The following KCNIP4 variants were observed in gnomAD, a reference collection of about 807,000 sequenced individuals.
The protein encoded by KCNIP4 is Kv channel-interacting protein 4.
A neutral mutation model predicts 34.0 loss-of-function variants in KCNIP4; 12 were observed. The ratio of observed to expected loss-of-function variants is 0.35; its 90% CI spans 0.23 to 0.57. The LOEUF is 0.57. Ranked by LOEUF, KCNIP4 falls within the 20% of genes least tolerant of loss-of-function variation. The pLI, the probability that KCNIP4 is intolerant of heterozygous loss-of-function variation, is 0.83. For synonymous variants in KCNIP4, 124 were observed against 102.2 expected (o/e 1.21, Z -1.29); for missense variants, 238 against 311.7 (o/e 0.76, Z 1.78).
chr4:21,253,986 C>A (rs1210373548), intron 1 of KCNIP4, among the ~76,000 whole-genome samples: 1 of 152,084 alleles, frequency 6.6e-6, no homozygotes. Flanking sequence ...TATGAAATAT[C>A]CAGAATAGGT....
At position 21,291,863 on chromosome 4, in the gene KCNIP4, AAAAAAAAGAAAGAAAGAAAGAAAGAAAG is replaced by A. The variant is rs1444290162; in HGVS notation, c.62-409182_62-409155del. Among the ~76,000 whole-genome samples the A allele has an allele frequency of 2.8e-4, 20 of 71,592 alleles. 1 individual carries two copies. The highest frequency in any genetic ancestry group is 1.7e-3 in the East Asian group (6 of 3,452). 47.0% of individuals were successfully genotyped at this position (71,592 alleles called of 152,430 possible). ...AGTTAGACTCCGCCTCAAAAAAAAA[AAAAAAAAGAAAGAAAGAAAGAAAGAAAG>A]AAAGAAAGAAAGAAAGAAAGAAAGA... On this transcript the variant is annotated intron_variant, in intron 1 of 8. Coordinates refer to ENST00000382152, the MANE Select transcript of KCNIP4 (RefSeq NM_025221.6).
intron 1 of KCNIP4, among the ~76,000 whole-genome samples, chr4:21,937,953 G>A (rs184262406): frequency 2.0e-5 from 3 of 152,222 alleles, no homozygotes; most frequent in East Asian, 3.9e-4. Flanking sequence ...AAATCTATCA[G>A]TAGTTTTCAT....
chr4:20,733,485 A>G (rs1012528819), intron 6 of KCNIP4, among the ~76,000 whole-genome samples: 1 of 152,212 alleles, frequency 6.6e-6, no homozygotes, highest in African/African-American at 2.4e-5. Context: ...TTAGGTTAAT[A>G]CAGAGCGAAT....
intron 1 of KCNIP4, among the ~76,000 whole-genome samples, chr4:21,353,880 G>A (rs1181342968): frequency 6.6e-6 from 1 of 152,178 alleles, no homozygotes; most frequent in Non-Finnish European, 1.5e-5. Context: ...AGGAAAAAGT[G>A]TTAAGGGCAG....
rs565494811 is a variant in KCNIP4 at position 21,577,368 on chromosome 4, C to T, written c.61+371203G>A. On this transcript the variant is annotated intron_variant, in intron 1 of 8. Coordinates refer to ENST00000382152, the MANE Select transcript of KCNIP4 (RefSeq NM_025221.6). ...ATTCCAGCTGCGCACTGTGGCTCAC[C>T]CCTGTAATCCCAGCACTTTTGGAGG... 4.6e-5 allele frequency among the ~76,000 whole-genome samples: 7 copies of T among 152,160 alleles called. No individual in the cohort carries two copies. The South Asian group carries it at 1.2e-3, about 27-fold the overall frequency.
At chr4:21,383,555 ACT>A (rs1384725207) in intron 1 of KCNIP4, among the ~76,000 whole-genome samples, 1 of 151,664 alleles carries the variant, frequency 6.6e-6, no homozygotes, top group Non-Finnish European at 1.5e-5. Flanking sequence ...GCATGCAATT[ACT>A]CATGCAAAAA....
chr4:21,674,924 AC>A (rs1749774806), intron 1 of KCNIP4, among the ~76,000 whole-genome samples: 3 of 152,192 alleles, frequency 2.0e-5, no homozygotes, highest in Admixed American at 6.5e-5. Context: ...TTATAAAATT[AC>A]TGTTTTTCAT....
rs535765734 is a variant in KCNIP4 at position 21,780,282 on chromosome 4, C to T, written c.61+168289G>A. 2.0e-5 allele frequency among the ~76,000 whole-genome samples: 3 copies of T among 152,224 alleles called. No individual in the cohort carries two copies. In the East Asian group the frequency reaches 5.8e-4, roughly 30 times the overall value. On this transcript the variant is annotated intron_variant, in intron 1 of 8. Transcript: ENST00000382152. ...ACCAGGAAGCAATATGATTTGCTTGCCCAACTCCCAAAGGGTCAAAAATTC... is the reference window on the plus strand; with the variant it reads ...ACCAGGAAGCAATATGATTTGCTTGTCCAACTCCCAAAGGGTCAAAAATTC...
chr4:21,796,983 A>T (rs898164339), intron 1 of KCNIP4, among the ~76,000 whole-genome samples: 1 of 152,170 alleles, frequency 6.6e-6, no homozygotes, highest in Non-Finnish European at 1.5e-5. Context: ...ATTCTGAGCA[A>T]GAGGCTCCAT....
intron 1 of KCNIP4, among the ~76,000 whole-genome samples, chr4:21,889,471 T>C (rs760513264): frequency 1.3e-5 from 2 of 152,034 alleles, no homozygotes; most frequent in Admixed American, 6.6e-5. Context: ...CCTGAAGGCA[T>C]TGCATTAGGT....
intron 1 of KCNIP4, among the ~76,000 whole-genome samples, chr4:20,958,508 A>T (rs1291318844): frequency 6.6e-6 from 1 of 152,216 alleles, no homozygotes; most frequent in East Asian, 1.9e-4. Context: ...TATAATAAAA[A>T]TTGATGAAGA....
At chr4:21,634,744 G>A (rs1222643542) in intron 1 of KCNIP4, among the ~76,000 whole-genome samples, 1 of 152,100 alleles carries the variant, frequency 6.6e-6, no homozygotes, top group Non-Finnish European at 1.5e-5. Context: ...AAAACCTACA[G>A]GATCTCAGAA....
intron 1 of KCNIP4, among the ~76,000 whole-genome samples, chr4:21,535,472 C>T (rs67748401): frequency 0.36 from 55,119 of 151,968 alleles, 10,372 homozygotes; most frequent in South Asian, 0.55. Context: ...CTAAACTCTA[C>T]TGATTTTTTT....
chr4:21,165,355 A>G (rs1400795360), intron 1 of KCNIP4, among the ~76,000 whole-genome samples: 1 of 16,120 alleles, frequency 6.2e-5, no homozygotes, highest in Non-Finnish European at 1.1e-4. Flanking sequence ...ACATGTATAC[A>G]TATGTAACTA....
intron 1 of KCNIP4, among the ~76,000 whole-genome samples, chr4:21,028,277 G>A (rs561466849): frequency 6.6e-6 from 1 of 152,054 alleles, no homozygotes; most frequent in Non-Finnish European, 1.5e-5. Flanking sequence ...CCTACCCACT[G>A]TAGTCTATTT....
chr4:21,860,173 G>A lies in KCNIP4; in HGVS notation c.61+88398C>T, dbSNP rs567456449. On this transcript the variant is annotated intron_variant, in intron 1 of 8. Coordinates refer to ENST00000382152, the MANE Select transcript of KCNIP4 (RefSeq NM_025221.6). The stretch of plus-strand genomic sequence containing the variant: ...TTTTGAGATGAAGTCTCACTCTGTC[G>A]CCCAGGCTGGAGTGCAGTGGCACAA... Among the ~76,000 whole-genome samples the A allele has an allele frequency of 1.3e-4, 20 of 152,140 alleles. No homozygotes were observed. The South Asian group carries it at 2.3e-3, about 17-fold the overall frequency.
intron 1 of KCNIP4, among the ~76,000 whole-genome samples, chr4:20,946,762 G>A (rs976183202): frequency 3.9e-5 from 6 of 152,070 alleles, no homozygotes; most frequent in Admixed American, 3.3e-4. Flanking sequence ...ACATTCATTG[G>A]TGTGAGTTAG....
At chr4:21,504,096 T>A (rs1733587647) in intron 1 of KCNIP4, among the ~76,000 whole-genome samples, 1 of 152,114 alleles carries the variant, frequency 6.6e-6, no homozygotes, top group South Asian at 2.1e-4. Context: ...TTTAAACATC[T>A]CCTGAGCAAT....
intron 1 of KCNIP4, among the ~76,000 whole-genome samples, chr4:21,382,646 G>A (rs1056747977): frequency 9.9e-5 from 15 of 152,126 alleles, no homozygotes; most frequent in African/African-American, 3.4e-4. Flanking sequence ...ATCTACACCT[G>A]CAGTAGCCTT....
Sources: allele counts gnomAD v4.1 joint callset (sites outside exome capture counted in the v4.1 genomes callset), GRCh38; gene constraint gnomAD v4.1.1; transcripts MANE v1.5; gene names NCBI Gene and HGNC (gene_info 2026-07-23, HGNC 2026-07-21).